The following DSE variants were observed in gnomAD, a reference collection of about 807,000 sequenced individuals.
DSE encodes the protein dermatan sulfate epimerase.
In DSE, 36 loss-of-function variants were observed where a neutral mutation model predicts 84.4. The ratio of observed to expected loss-of-function variants is 0.43; its 90% CI spans 0.33 to 0.56. The LOEUF (loss-of-function observed/expected upper bound fraction) is 0.56. Among genes scored for constraint, DSE ranks in the 20% least tolerant of loss-of-function variants. The pLI, the probability that DSE is intolerant of heterozygous loss-of-function variation, is 0.06. For missense variants in DSE, 862 were observed against 1,169.6 expected, an observed-to-expected ratio of 0.74 and a Z score of 3.84; for synonymous variants, 410 against 430.1, an observed-to-expected ratio of 0.95 and a Z score of 0.58.
At chr6:116,369,900 G>C, upstream of DSE, 1 of 1,289,294 alleles carries the variant, frequency 7.8e-7, no homozygotes, top group Non-Finnish European at 1.0e-6. Flanking sequence ...ACTGCTCCCA[G>C]TAAAATATCT....
chr6:116,377,960 A>G (rs755100232), intron 1 of DSE, among the ~76,000 whole-genome samples: 1 of 152,150 alleles, frequency 6.6e-6, no homozygotes, highest in Non-Finnish European at 1.5e-5. Flanking sequence ...GTTTGATGAT[A>G]TCATTCCAGG....
chr6:116,415,912 C>G (rs1782674586), intron 2 of DSE, among the ~76,000 whole-genome samples: 1 of 152,186 alleles, frequency 6.6e-6, no homozygotes, highest in Non-Finnish European at 1.5e-5. Context: ...ACTCAGTGGC[C>G]TAAAACAGCA....
intron 2 of DSE, among the ~76,000 whole-genome samples, chr6:116,362,758 G>A (rs1157429150): frequency 1.3e-5 from 2 of 152,128 alleles, no homozygotes; most frequent in Non-Finnish European, 2.9e-5. Flanking sequence ...CTCTAGCCTA[G>A]GCCACATCCC....
chr6:116,361,504 AAG>A (rs1480592685), intron 2 of DSE, among the ~76,000 whole-genome samples: 1 of 147,934 alleles, frequency 6.8e-6, no homozygotes, highest in African/African-American at 2.7e-5. Flanking sequence ...AAAATATCTC[AAG>A]AGAGCTGGGT....
intron 2 of DSE, among the ~76,000 whole-genome samples, chr6:116,410,209 C>T (rs934562198): frequency 1.3e-5 from 2 of 151,840 alleles, no homozygotes; most frequent in African/African-American, 2.4e-5. Flanking sequence ...ACGCAAACAC[C>T]CTGGTAAGTA....
At chr6:116,330,376 G>A (rs1776866260) in intron 2 of DSE, among the ~76,000 whole-genome samples, 1 of 152,082 alleles carries the variant, frequency 6.6e-6, no homozygotes, top group South Asian at 2.1e-4. Context: ...ACCTAGCTAT[G>A]CCACTGCATG....
At chr6:116,416,358 TGTG>T (rs1476565365) in intron 2 of DSE, among the ~76,000 whole-genome samples, 17 of 135,650 alleles carry the variant, frequency 1.3e-4, no homozygotes, top group Non-Finnish European at 2.4e-4. Flanking sequence ...ACTGTGTGTG[TGTG>T]TGTGTGTGTG....
chr6:116,357,016 T>G (rs1483347899), intron 2 of DSE, among the ~76,000 whole-genome samples: 1 of 152,220 alleles, frequency 6.6e-6, no homozygotes, highest in Non-Finnish European at 1.5e-5. Context: ...ATGGTTTAAG[T>G]GAGGCCTTAG....
chr6:116,430,816 A>C (rs1426505672), intron 3 of DSE, 138 bp from the exon 4 acceptor site: 2 of 1,159,832 alleles, frequency 1.7e-6, no homozygotes, highest in South Asian at 1.5e-5. Flanking sequence ...TTATTTATAC[A>C]CTGACAAGTT....
intron 2 of DSE, chr6:116,279,788 T>G: frequency 1.9e-6 from 3 of 1,612,798 alleles, no homozygotes; most frequent in Non-Finnish European, 2.5e-6. Flanking sequence ...ATGCTGTGGG[T>G]TTGGAGGGGA....
At chr6:116,258,406 TATAATA>T (rs753614023) in intron 1 of DSE, 1 of 698,760 alleles carries the variant, frequency 1.4e-6, no homozygotes, top group Non-Finnish European at 2.6e-6. Flanking sequence ...TTAAAGTCAT[TATAATA>T]ACTTAGTTGT....
At chr6:116,417,722 C>A (rs926538729) in intron 2 of DSE, among the ~76,000 whole-genome samples, 2 of 152,132 alleles carry the variant, frequency 1.3e-5, no homozygotes, top group Non-Finnish European at 2.9e-5. Context: ...TCTTAATATA[C>A]AATGAGTTCC....
intron 2 of DSE, among the ~76,000 whole-genome samples, chr6:116,275,614 C>A (rs920648172): frequency 6.6e-6 from 1 of 152,138 alleles, no homozygotes; most frequent in African/African-American, 2.4e-5. Flanking sequence ...TCCTGGCTAA[C>A]ATGGTGAAAC....
chr6:116,388,958 T>G (rs563570424), intron 1 of DSE, among the ~76,000 whole-genome samples: 1 of 152,306 alleles, frequency 6.6e-6, no homozygotes, highest in Non-Finnish European at 1.5e-5. Context: ...CTCAAAATAT[T>G]TGATATTTTT....
chr6:116,417,637 A>G (rs1782800209), intron 2 of DSE, among the ~76,000 whole-genome samples: 2 of 152,164 alleles, frequency 1.3e-5, no homozygotes, highest in African/African-American at 2.4e-5. Context: ...TGATTTAATT[A>G]ATATAGAAAT....
chr6:116,374,987 C>G (rs1401197467), intron 1 of DSE, among the ~76,000 whole-genome samples: 1 of 152,194 alleles, frequency 6.6e-6, no homozygotes, highest in African/African-American at 2.4e-5. Flanking sequence ...ATGTTATCTT[C>G]CCCTATAGTG....
At chr6:116,381,238 A>AG (rs1780203104) in intron 1 of DSE, among the ~76,000 whole-genome samples, 1 of 152,092 alleles carries the variant, frequency 6.6e-6, no homozygotes, top group African/African-American at 2.4e-5. Context: ...GGAGCAGATA[A>AG]GAGAGAGTAA....
chr6:116,333,241 G>A (rs1176121663), intron 2 of DSE, among the ~76,000 whole-genome samples: 1 of 152,172 alleles, frequency 6.6e-6, no homozygotes, highest in East Asian at 1.9e-4. Context: ...TAGACTTGGT[G>A]ATTTATAAAG....
chr6:116,363,171 C>A (rs1411620863), intron 2 of DSE, among the ~76,000 whole-genome samples: 1 of 152,030 alleles, frequency 6.6e-6, no homozygotes, highest in African/African-American at 2.4e-5. Flanking sequence ...ATATCTATTT[C>A]TACTTTGTAA....
Sources: allele counts gnomAD v4.1 joint callset (sites outside exome capture counted in the v4.1 genomes callset), GRCh38; gene constraint gnomAD v4.1.1; transcripts MANE v1.5; gene names NCBI Gene and HGNC (gene_info 2026-07-23, HGNC 2026-07-21).